LOXL3: variants seen among roughly 807,000 people sequenced by gnomAD.
LOXL3 encodes the protein lysyl oxidase homolog 3.
A neutral mutation model predicts 91.8 loss-of-function variants in LOXL3; 60 were observed. The observed-to-expected ratio is 0.65, with a 90% confidence interval of 0.53 to 0.81. The LOEUF is 0.81. Among genes scored for constraint, LOXL3 ranks in the 30% least tolerant of loss-of-function variants. The pLI, the probability that LOXL3 is intolerant of heterozygous loss-of-function variation, is 0.00. For missense variants in LOXL3, 874 were observed against 1,000.4 expected (o/e 0.87, Z 1.70); for synonymous variants, 355 against 387.6 (o/e 0.92, Z 0.99).
chr2:74,536,938 C>G lies in LOXL3; in HGVS notation c.693-10G>C, dbSNP rs200418245. ...CCGTTGGGCTAGCAGCCTAGGGGGACAGGAGTGAGGTGCAGTAGGGTAAAA... is the reference window on the plus strand; with the variant it reads ...CCGTTGGGCTAGCAGCCTAGGGGGAGAGGAGTGAGGTGCAGTAGGGTAAAA... On this transcript the variant is annotated splice_polypyrimidine_tract_variant and intron_variant, in intron 4 of 13. Coordinates refer to ENST00000264094, the MANE Select transcript of LOXL3 (RefSeq NM_032603.5). The surrounding 1 kb of genome is among the most constrained non-coding windows in gnomAD (Gnocchi z 4.5). 4 of 1,613,092 alleles carry G rather than the reference C, an allele frequency of 2.5e-6. No individual in the cohort carries two copies. The African/African-American group carries it at 4.0e-5, about 16-fold the overall frequency.
intron 4 of LOXL3, among the ~76,000 whole-genome samples, chr2:74,537,341 G>A (rs1380113644): frequency 6.6e-6 from 1 of 152,204 alleles, no homozygotes; most frequent in Non-Finnish European, 1.5e-5. Context: ...AGCCTGAAAA[G>A]CCAGGGCGAG....
At chr2:74,553,321 G>A (rs1002131803) in intron 1 of LOXL3, among the ~76,000 whole-genome samples, 3 of 152,154 alleles carry the variant, frequency 2.0e-5, no homozygotes, top group South Asian at 4.1e-4. Context: ...ACCAAAGCTC[G>A]CCTGGAGAAC....
At chr2:74,544,633 G>T (rs1438407206) in intron 4 of LOXL3, among the ~76,000 whole-genome samples, 2 of 152,086 alleles carry the variant, frequency 1.3e-5, no homozygotes, top group African/African-American at 2.4e-5. Context: ...TTATTCTAAA[G>T]TTCTACAACT....
Position 74,535,324 on chromosome 2 carries a change from G to C in LOXL3, c.1547C>G (p.Thr516Ser). The change falls in exon 9 of 14, where the codon ACC becomes AGC. Residue 516 changes from threonine (T) to serine (S), a missense_variant. Physicochemically the swap from Thr to Ser is moderately conservative, Grantham distance 58 (BLOSUM62 1). Coordinates refer to ENST00000264094, the MANE Select transcript of LOXL3 (RefSeq NM_032603.5). This position sits in a 1 kb window ranked among gnomAD's most constrained non-coding sequence, Gnocchi z 4.2. ...GTHITCKRTG[T>S]RFTAGVICSE... is the part of the protein sequence containing the mutation. ...ACAGATGACTCCAGCAGTGAAGCGG[G>C]TCCCTGTCCTCTTGCAGGTGATGTG... The C allele has an allele frequency of 1.2e-6, 2 of 1,613,992 alleles. No individual in the cohort carries two copies. The highest frequency in any genetic ancestry group is 1.7e-6 in the Non-Finnish European group (2 of 1,180,006).
Position 74,547,567 on chromosome 2 carries a change from G to A in LOXL3, c.692+1802C>T, listed in dbSNP as rs185400276. 1.2e-3 allele frequency among the ~76,000 whole-genome samples: 176 copies of A among 152,090 alleles called. 1 individual carries two copies. The highest frequency in any genetic ancestry group is 7.4e-4 in the Non-Finnish European group (50 of 68,018). On this transcript the variant is annotated intron_variant, in intron 4 of 13. Coordinates refer to ENST00000264094, the MANE Select transcript of LOXL3 (RefSeq NM_032603.5). ...GAGTGTCCAGGCCAGATAAAGTACC[G>A]AAAGTCCTCAGTACTGAAAGACATT...
intron 2 of LOXL3, 41 bp downstream of exon 2, chr2:74,552,281 C>A (rs1273015035): frequency 1.3e-6 from 2 of 1,558,692 alleles, no homozygotes; most frequent in African/African-American, 2.7e-5. Flanking sequence ...ACTTTGGCCA[C>A]ACATAGGAAA....
Position 74,536,465 on chromosome 2 carries a change from C to T in LOXL3, c.919G>A (p.Val307Ile), listed in dbSNP as rs777259784. 6.2e-7 allele frequency: 1 copy of T among 1,612,920 alleles called. No homozygotes were observed. The highest frequency in any genetic ancestry group is 2.2e-5 in the East Asian group (1 of 44,850). ...QQSKPQGEAR[V>I]RLKGGAHPGE... ...GGGTGGGCGCCGCCCTTTAGACGGA[C>T]ACGGGCCTATAGAAGAGAGAAGTGC... Residue 307 changes from valine (V) to isoleucine (I), a missense_variant, in exon 6 of 14, where the codon GTC becomes ATC. Val to Ile is a conservative substitution (Grantham distance 29). Transcript: ENST00000264094. The surrounding 1 kb of genome is among the most constrained non-coding windows in gnomAD (Gnocchi z 4.5).
chr2:74,538,123 C>T (rs1236030090), intron 4 of LOXL3, among the ~76,000 whole-genome samples: 7 of 152,188 alleles, frequency 4.6e-5, no homozygotes, highest in African/African-American at 9.7e-5. Flanking sequence ...CAGGCACTCT[C>T]CCACAGTCCT....
At position 74,532,566 on chromosome 2, in the gene LOXL3, A is replaced by C. The variant is rs900613088; in HGVS notation, c.*1040T>G. 1.0e-4 allele frequency: 142 copies of C among 1,416,770 alleles called. 1 individual carries two copies. The Admixed American group carries it at 2.4e-3, about 24-fold the overall frequency. The allele number at this position is 1,416,770 out of a possible 1,614,324, so 87.8% of individuals were successfully genotyped here. A position where few individuals can be genotyped will look rare whatever the true frequency, so the allele number is the denominator to read the frequency against. Reference sequence around the variant, plus strand: ...TGATGAGAGACTTGAGGTGGAACTCAGGATGGGGAGAATGCCTGGGTTTGG... The same window carrying C: ...TGATGAGAGACTTGAGGTGGAACTCCGGATGGGGAGAATGCCTGGGTTTGG... On this transcript the variant is annotated 3_prime_UTR_variant, in exon 14 of 14. Coordinates refer to ENST00000264094, the MANE Select transcript of LOXL3 (RefSeq NM_032603.5).
rs1397843593 is a variant in LOXL3 at position 74,536,444 on chromosome 2, G to T, written c.940C>A (p.His314Asn). Residue 314 changes from histidine to asparagine, a missense_variant, in exon 6 of 14, where the codon CAC (histidine) becomes AAC (asparagine). Transcript: ENST00000264094. This position sits in a 1 kb window ranked among gnomAD's most constrained non-coding sequence, Gnocchi z 4.5. The part of the protein sequence containing the change: ...EARVRLKGGA[H>N]PGEGRVEVLK... The stretch of plus-strand genomic sequence containing the variant: ...ACTTCTACCCGGCCCTCTCCAGGGT[G>T]GGCGCCGCCCTTTAGACGGACACGG... 6.2e-7 allele frequency: 1 copy of T among 1,613,884 alleles called. No homozygotes were observed. Among genetic ancestry groups the T allele is most frequent in the Non-Finnish European group, 8.5e-7 (1 of 1,179,996 alleles).
At chr2:74,550,490 G>A (rs781583010) in intron 2 of LOXL3, 142 bp from the exon 3 acceptor site, 45 of 861,598 alleles carry the variant, frequency 5.2e-5, no homozygotes, top group African/African-American at 1.5e-4. Flanking sequence ...GGGTGGAGAC[G>A]GGACAGGGGA....
In LOXL3 at chr2:74,533,533, A is replaced by G; in HGVS notation, c.*73T>C. ...GGTTGCTGACATGGGTTTCTTGGTA[A>G]GCTCCTGAGGTAATGGCAGCCTCAG... On this transcript the variant is annotated 3_prime_UTR_variant, in exon 14 of 14. Coordinates refer to ENST00000264094, the MANE Select transcript of LOXL3 (RefSeq NM_032603.5). 2 of 1,376,472 alleles carry G rather than the reference A, an allele frequency of 1.5e-6. No individual in the cohort carries two copies. Among genetic ancestry groups the G allele is most frequent in the South Asian group, 1.2e-5 (1 of 83,248 alleles). 85.3% of individuals were successfully genotyped at this position (1,376,472 alleles called of 1,614,324 possible).
rs574693352 is a variant in LOXL3 at position 74,544,795 on chromosome 2, T to C, written c.692+4574A>G. On this transcript the variant is annotated intron_variant, in intron 4 of 13. Transcript: ENST00000264094. ...TAAGGAGGGGAGAGTTGTTTACAAC[T>C]GTCTTGCCTATCTTTCATAATTGTA... Among the ~76,000 whole-genome samples, 16 of 152,316 alleles carry C rather than the reference T, an allele frequency of 1.1e-4. No homozygotes were observed. The South Asian group carries it at 3.3e-3, about 32-fold the overall frequency.
At position 74,552,570 on chromosome 2, in the gene LOXL3, G is replaced by A. The variant is rs1161916684; in HGVS notation, c.65C>T (p.Ser22Leu). 20 of 1,608,924 alleles carry A rather than the reference G, an allele frequency of 1.2e-5. No individual in the cohort carries two copies. The highest frequency in any genetic ancestry group is 1.1e-4 in the South Asian group (10 of 90,698). Reference sequence around the variant, plus strand: ...GGAAGGGGACGGAGACCCCAAGCACGAACTGCACAGCAGGCACAGCAGCAG... The same window carrying A: ...GGAAGGGGACGGAGACCCCAAGCACAAACTGCACAGCAGGCACAGCAGCAG... ...WGLLLCLLCS[S>L]CLGSPSPSTG... The change falls in exon 2 of 14, where the codon TCG (serine) becomes TTG (leucine). Residue 22 changes from serine to leucine, a missense_variant. Physicochemically the swap from Ser to Leu is moderately radical, Grantham distance 145. Coordinates refer to ENST00000264094, the MANE Select transcript of LOXL3 (RefSeq NM_032603.5).
In LOXL3 at chr2:74,549,829, G is replaced by C; in HGVS notation, c.478-246C>G. The C allele has an allele frequency of 3.0e-6, 3 of 985,416 alleles. No individual in the cohort carries two copies. The African/African-American group carries it at 5.2e-5, about 17-fold the overall frequency. 61.0% of individuals were successfully genotyped at this position (985,416 alleles called of 1,614,324 possible). On this transcript the variant is annotated intron_variant, in intron 3 of 13. Transcript: ENST00000264094. This position sits in a 1 kb window ranked among gnomAD's most constrained non-coding sequence, Gnocchi z 5.3. ...GCACTAGGAAGGAGGCCCTCCCTGT[G>C]CCTGGAGCAGGAGGGAGCACTTCAA...
chr2:74,546,747 G>A (rs533595152), intron 4 of LOXL3, among the ~76,000 whole-genome samples: 12 of 152,032 alleles, frequency 7.9e-5, no homozygotes, highest in East Asian at 1.9e-4. Flanking sequence ...ACGGAGTTTC[G>A]CTCTTGTTGC....
chr2:74,542,071 C>T (rs1351811514), intron 4 of LOXL3, among the ~76,000 whole-genome samples: 2 of 152,120 alleles, frequency 1.3e-5, no homozygotes, highest in African/African-American at 4.8e-5. Context: ...GGCAGGAGGA[C>T]TGCTTGAGCC....
rs1433412630 is a variant in LOXL3, at chr2:74,552,481, T to C, written c.154A>G (p.Lys52Glu). 6.2e-7 allele frequency: 1 copy of C among 1,613,470 alleles called. No individual in the cohort carries two copies. Among genetic ancestry groups the C allele is most frequent in the African/African-American group, 1.3e-5 (1 of 74,940 alleles). ...ATCTCCACGCGGCCCTCGTAGGGCT[T>C]CCTGGGGAAGCCAGCCAGCCGGAAC... ...LRFRLAGFPR[K>E]PYEGRVEIQR... The change falls in exon 2 of 14, where the codon AAG (lysine) becomes GAG (glutamate). Residue 52 changes from lysine (K) to glutamate (E), a missense_variant. By Grantham distance (56) the Lys-to-Glu change is moderately conservative (BLOSUM62 1). Coordinates refer to ENST00000264094, the MANE Select transcript of LOXL3 (RefSeq NM_032603.5).
At chr2:74,552,771 A>G (rs1032573883) in intron 1 of LOXL3, 125 bp from the exon 2 acceptor site, 1 of 843,194 alleles carries the variant, frequency 1.2e-6, no homozygotes, top group Admixed American at 3.0e-5. Flanking sequence ...GCGAGAGACA[A>G]CAGGAGAGAA....
Sources: gnomAD v4.1 joint callset for allele counts (sites outside exome capture counted in the v4.1 genomes callset) on GRCh38, gnomAD v4.1.1 for gene constraint, Gnocchi (gnomAD v3.1) non-coding constraint, MANE v1.5 for transcripts, NCBI Gene and HGNC (gene_info 2026-07-23, HGNC 2026-07-21) for gene names.